Variants in LRRFIP2 observed in about 807,000 individuals in gnomAD.
The protein encoded by LRRFIP2 is leucine-rich repeat flightless-interacting protein 2.
Under a neutral mutation model 125.9 loss-of-function variants are expected in LRRFIP2, and 109 were observed. The observed-to-expected ratio is 0.87, with a 90% CI of 0.74 to 1.01. The LOEUF is 1.01. LRRFIP2 is among the 50% of genes least tolerant of loss of function. The pLI, the probability that LRRFIP2 is intolerant of heterozygous loss-of-function variation, is 0.00. For synonymous variants in LRRFIP2, 291 were observed against 293.1 expected, an observed-to-expected ratio of 0.99 and a Z score of 0.07; for missense variants, 850 against 862.3, an observed-to-expected ratio of 0.99 and a Z score of 0.18.
At chr3:37,100,335 T>A (rs1323568107) in intron 15 of LRRFIP2, among the ~76,000 whole-genome samples, 2 of 147,466 alleles carry the variant, frequency 1.4e-5, no homozygotes, top group African/African-American at 5.3e-5. Flanking sequence ...TTTAAAAAAA[T>A]ATATGTATGT....
At chr3:37,095,558 T>C (rs1028803175) in intron 16 of LRRFIP2, among the ~76,000 whole-genome samples, 1 of 152,194 alleles carries the variant, frequency 6.6e-6, no homozygotes, top group Non-Finnish European at 1.5e-5. Flanking sequence ...GAGTTGCATA[T>C]AGGATACATA....
intron 1 of LRRFIP2, among the ~76,000 whole-genome samples, chr3:37,151,030 A>G (rs971329823): frequency 6.6e-6 from 1 of 152,194 alleles, no homozygotes; most frequent in Non-Finnish European, 1.5e-5. Flanking sequence ...ACTAGAGAAG[A>G]TATATCTGGA....
intron 2 of LRRFIP2, among the ~76,000 whole-genome samples, chr3:37,132,369 A>G (rs2095448540): frequency 6.6e-6 from 1 of 152,158 alleles, no homozygotes; most frequent in South Asian, 2.1e-4. Flanking sequence ...ATTCTGTACA[A>G]TCTATATATA....
At chr3:37,091,691 C>T (rs2149179631) in intron 17 of LRRFIP2, among the ~76,000 whole-genome samples, 153 bp from the exon 18 acceptor site, 1 of 152,274 alleles carries the variant, frequency 6.6e-6, no homozygotes, top group South Asian at 2.1e-4. Flanking sequence ...CTCCCAACCA[C>T]TGAAAAGGGC....
At chr3:37,106,173 T>C (rs2094315199) in intron 13 of LRRFIP2, among the ~76,000 whole-genome samples, 1 of 152,202 alleles carries the variant, frequency 6.6e-6, no homozygotes, top group Non-Finnish European at 1.5e-5. Context: ...GGTCAACAAA[T>C]ATACTTAATG....
At chr3:37,114,399 G>T (rs1440275970) in intron 7 of LRRFIP2, among the ~76,000 whole-genome samples, 2 of 152,092 alleles carry the variant, frequency 1.3e-5, no homozygotes, top group East Asian at 3.9e-4. Flanking sequence ...CACAATTTGG[G>T]CTTGTGCTCA....
chr3:37,107,738 TAGAA>T (rs2094396116), intron 13 of LRRFIP2, among the ~76,000 whole-genome samples: 1 of 152,076 alleles, frequency 6.6e-6, no homozygotes, highest in Admixed American at 6.5e-5. Context: ...AATGTAAAGA[TAGAA>T]AGGAGAAACA....
chr3:37,127,411 G>A (rs1333314584), intron 4 of LRRFIP2, among the ~76,000 whole-genome samples: 1 of 152,064 alleles, frequency 6.6e-6, no homozygotes, highest in Non-Finnish European at 1.5e-5. Context: ...TCTTGATCAG[G>A]AGCATTCATG....
chr3:37,089,025 A>T (rs1421523611), intron 18 of LRRFIP2, among the ~76,000 whole-genome samples: 1 of 152,090 alleles, frequency 6.6e-6, no homozygotes, highest in African/African-American at 2.4e-5. Flanking sequence ...CTTCATATAT[A>T]TTTTTAATAC....
At chr3:37,147,396 T>C (rs1301078479) in intron 2 of LRRFIP2, among the ~76,000 whole-genome samples, 3 of 152,208 alleles carry the variant, frequency 2.0e-5, no homozygotes, top group East Asian at 1.9e-4. Flanking sequence ...TACCTGCACA[T>C]GTACGTTCAC....
chr3:37,142,165 T>C (rs2095721068), intron 2 of LRRFIP2, among the ~76,000 whole-genome samples: 1 of 151,048 alleles, frequency 6.6e-6, no homozygotes, highest in Non-Finnish European at 1.5e-5. Context: ...TTTTTTTTTT[T>C]TTTGAGACAG....
intron 21 of LRRFIP2, chr3:37,068,161 A>G (rs1329390549): frequency 6.6e-6 from 1 of 152,236 alleles, no homozygotes; most frequent in South Asian, 2.1e-4. Context: ...TGGGAAAACA[A>G]AGCACAACAA....
At chr3:37,109,184 G>A (rs1359099133) in intron 11 of LRRFIP2, among the ~76,000 whole-genome samples, 1 of 152,074 alleles carries the variant, frequency 6.6e-6, no homozygotes, top group African/African-American at 2.4e-5. Context: ...TAGTATCAGA[G>A]GCCAAGATCA....
intron 2 of LRRFIP2, chr3:37,140,195 T>C (rs1166940408): frequency 6.6e-6 from 1 of 152,182 alleles, no homozygotes; most frequent in Admixed American, 6.5e-5. Context: ...AACCAAAGTT[T>C]TCAAGCTTCA....
At chr3:37,124,563 T>C (rs927140685) in intron 4 of LRRFIP2, among the ~76,000 whole-genome samples, 2 of 152,180 alleles carry the variant, frequency 1.3e-5, no homozygotes, top group Non-Finnish European at 2.9e-5. Context: ...GAAGAGTCCT[T>C]AGAGATCATC....
intron 16 of LRRFIP2, 73 bp from the exon 17 acceptor site, chr3:37,094,981 G>C: frequency 2.1e-6 from 2 of 965,048 alleles, no homozygotes; most frequent in Non-Finnish European, 3.4e-6. Flanking sequence ...CTAAAAACAG[G>C]GCAGGGTGGT....
intron 18 of LRRFIP2, among the ~76,000 whole-genome samples, chr3:37,086,932 CT>C (rs1300859812): frequency 1.3e-5 from 2 of 151,620 alleles, no homozygotes; most frequent in Non-Finnish European, 2.9e-5. Context: ...ACAATCTCAG[CT>C]AACTGCAGCT....
Position 37,135,139 on chromosome 3 carries a change from G to C in LRRFIP2, c.91-5990C>G, listed in dbSNP as rs1181716569. On this transcript the variant is annotated intron_variant, in intron 2 of 27. Transcript: ENST00000336686. ...TAAAGTCAGAATAACCTGCATTATA[G>C]CTGGAATAAACTTTAAATTACTGTT... The C allele has an allele frequency of 2.5e-6, 3 of 1,210,534 alleles. No homozygotes were observed. In the Admixed American group the frequency reaches 5.7e-5, roughly 23 times the overall value. 75.0% of individuals were successfully genotyped at this position (1,210,534 alleles called of 1,614,324 possible).
In LRRFIP2 at chr3:37,057,152, T is replaced by C. The variant is rs190624662; in HGVS notation, c.1870+1638A>G. Among the ~76,000 whole-genome samples the C allele has an allele frequency of 2.5e-4, 38 of 152,288 alleles. No individual in the cohort carries two copies. In the East Asian group the frequency reaches 5.6e-3, roughly 22 times the overall value. ...TTCTACACCTCCTGCCTGGGTACTTTACCTTCTGCAAATACCAGCTATACA... is the reference window on the plus strand; with the variant it reads ...TTCTACACCTCCTGCCTGGGTACTTCACCTTCTGCAAATACCAGCTATACA... On this transcript the variant is annotated intron_variant, in intron 25 of 27. Coordinates refer to ENST00000336686, the MANE Select transcript of LRRFIP2 (RefSeq NM_006309.4).
Sources: allele counts gnomAD v4.1 joint callset (sites outside exome capture counted in the v4.1 genomes callset), GRCh38; gene constraint gnomAD v4.1.1; transcripts MANE v1.5; gene names NCBI Gene and HGNC (gene_info 2026-07-23, HGNC 2026-07-21).